The following CALN1 variants were observed in gnomAD, a reference collection of about 807,000 sequenced individuals.
CALN1 encodes the protein calneuron 1.
Under a neutral mutation model 30.6 loss-of-function variants are expected in CALN1, and 17 were observed. That is an observed-to-expected ratio of 0.56 (90% CI 0.38 to 0.83). CALN1 has a LOEUF of 0.83. Ranked by LOEUF, CALN1 falls within the 40% of genes least tolerant of loss-of-function variation. The probability of loss-of-function intolerance (pLI) is 0.00; values close to 1 mark genes in which losing one functional copy is unlikely to be tolerated. For synonymous variants in CALN1, 156 were observed against 131.4 expected (o/e 1.19, Z -1.28); for missense variants, 291 against 354.9 (o/e 0.82, Z 1.45).
chr7:71,840,088 TGAGATA>T (rs903485865), intron 5 of CALN1, among the ~76,000 whole-genome samples: 1 of 152,232 alleles, frequency 6.6e-6, no homozygotes, highest in Non-Finnish European at 1.5e-5. Flanking sequence ...TTTTGTTTTC[TGAGATA>T]TTTTCCTATC....
intron 5 of CALN1, among the ~76,000 whole-genome samples, chr7:71,897,359 A>G (rs1562881332): frequency 6.6e-6 from 1 of 152,198 alleles, no homozygotes; most frequent in Non-Finnish European, 1.5e-5. Context: ...TTTATTAAAC[A>G]TAATATTAAG....
At chr7:72,150,872 TATGATGATGATG>T (rs139046404) in intron 3 of CALN1, among the ~76,000 whole-genome samples, 24 of 150,424 alleles carry the variant, frequency 1.6e-4, no homozygotes, top group African/African-American at 3.7e-4. Context: ...GCTGTGATGA[TATGATGATGATG>T]ATGATGATGA....
chr7:71,965,103 C>T (rs956283379), intron 5 of CALN1, among the ~76,000 whole-genome samples: 9 of 152,184 alleles, frequency 5.9e-5, no homozygotes, highest in East Asian at 1.9e-4. Context: ...TCGTAGCTCA[C>T]TGCAGCCTCT....
At chr7:72,191,482 A>G (rs984187642) in intron 3 of CALN1, among the ~76,000 whole-genome samples, 3 of 147,278 alleles carry the variant, frequency 2.0e-5, no homozygotes, top group African/African-American at 7.6e-5. Flanking sequence ...CATGCCTATA[A>G]TCTCAACTAC....
chr7:72,334,959 G>T (rs1185552439), intron 2 of CALN1, among the ~76,000 whole-genome samples: 1 of 152,152 alleles, frequency 6.6e-6, no homozygotes, highest in African/African-American at 2.4e-5. Context: ...ACAGCTCAGG[G>T]CATCCTTGGG....
At chr7:72,028,081 A>AC in intron 4 of CALN1, among the ~76,000 whole-genome samples, 1 of 145,408 alleles carries the variant, frequency 6.9e-6, no homozygotes, top group Admixed American at 6.7e-5. Context: ...AAAAAAAAAA[A>AC]AAAACACATG....
chr7:72,086,842 C>A (rs1805516892), intron 4 of CALN1, among the ~76,000 whole-genome samples: 1 of 152,062 alleles, frequency 6.6e-6, no homozygotes, highest in South Asian at 2.1e-4. Context: ...GAGAAGTAAT[C>A]CATGAACTGT....
the CALN1 span, among the ~76,000 whole-genome samples, chr7:72,477,276 T>A: frequency 6.6e-6 from 1 of 151,804 alleles, no homozygotes. Context: ...TGAGCTGAGA[T>A]CTGATGAGTA....
intron 5 of CALN1, among the ~76,000 whole-genome samples, chr7:71,941,282 C>T (rs1405833748): frequency 1.3e-5 from 2 of 149,892 alleles, no homozygotes; most frequent in Non-Finnish European, 3.0e-5. Context: ...ACCCGGGAGG[C>T]GGAGGTTGCA....
intron 2 of CALN1, among the ~76,000 whole-genome samples, chr7:72,280,637 C>T (rs188445064): frequency 1.3e-5 from 2 of 152,272 alleles, no homozygotes; most frequent in Admixed American, 6.5e-5. Context: ...ATCCTGATTT[C>T]TTGGGACTGT....
At chr7:71,804,006 A>C (rs73701377) in intron 6 of CALN1, among the ~76,000 whole-genome samples, 2,154 of 151,992 alleles carry the variant, frequency 0.014, 48 homozygotes, top group African/African-American at 0.049. Flanking sequence ...TTGACCTAAA[A>C]ATTAAACAAG....
At chr7:72,011,483 CCT>C (rs1324341224) in intron 5 of CALN1, among the ~76,000 whole-genome samples, 3 of 152,162 alleles carry the variant, frequency 2.0e-5, no homozygotes, top group African/African-American at 7.2e-5. Context: ...CAGGAAGACC[CCT>C]GTTCCCTCTC....
intron 2 of CALN1, among the ~76,000 whole-genome samples, chr7:72,353,035 C>T (rs1036271381): frequency 2.6e-5 from 4 of 152,132 alleles, no homozygotes; most frequent in Admixed American, 1.3e-4. Flanking sequence ...CCAAAATAGA[C>T]CCATGGAGAT....
At chr7:72,088,039 G>A (rs940293482) in intron 4 of CALN1, among the ~76,000 whole-genome samples, 4 of 152,208 alleles carry the variant, frequency 2.6e-5, no homozygotes, top group Non-Finnish European at 4.4e-5. Flanking sequence ...GTGGTTGCAC[G>A]CGTCTGTAGT....
chr7:72,447,868 C>T (rs939803330), upstream of CALN1, among the ~76,000 whole-genome samples: 3 of 151,936 alleles, frequency 2.0e-5, no homozygotes, highest in Non-Finnish European at 2.9e-5. Context: ...CATGCACACA[C>T]ACATGCCTGC....
intron 2 of CALN1, among the ~76,000 whole-genome samples, chr7:72,327,176 A>G (rs1801338239): frequency 6.6e-6 from 1 of 152,216 alleles, no homozygotes; most frequent in South Asian, 2.1e-4. Context: ...CAGCTCTTCC[A>G]GAACACATCA....
intron 5 of CALN1, among the ~76,000 whole-genome samples, chr7:71,911,580 C>T (rs1287816641): frequency 6.6e-6 from 1 of 152,146 alleles, no homozygotes; most frequent in Non-Finnish European, 1.5e-5. Flanking sequence ...CCTCAGCTCT[C>T]CATCTCTGAT....
intron 2 of CALN1, among the ~76,000 whole-genome samples, chr7:72,361,883 T>G (rs539429176): frequency 6.6e-6 from 1 of 152,210 alleles, no homozygotes; most frequent in Non-Finnish European, 1.5e-5. Context: ...GTGGACATTA[T>G]ACATGTAATA....
chr7:72,366,516 A>C (rs1464533734), intron 2 of CALN1, among the ~76,000 whole-genome samples: 2 of 137,988 alleles, frequency 1.4e-5, no homozygotes, highest in African/African-American at 5.6e-5. Context: ...CTGTTGGGGT[A>C]CAAGTAGTTT....
Sources: allele counts gnomAD v4.1 joint callset (sites outside exome capture counted in the v4.1 genomes callset), GRCh38; gene constraint gnomAD v4.1.1; transcripts MANE v1.5; gene names NCBI Gene and HGNC (gene_info 2026-07-23, HGNC 2026-07-21).